Variants in CD70 observed in about 807,000 individuals in gnomAD.
CD70 encodes the protein CD70 antigen.
CD70 carries 6 observed loss-of-function variants against 9.0 expected under a neutral mutation model. That is an observed-to-expected ratio of 0.67 (90% confidence interval 0.37 to 1.32). The LOEUF (loss-of-function observed/expected upper bound fraction) is 1.32, where lower values mean the gene tolerates loss of function less well. Ranked by LOEUF, CD70 falls within the 40% of genes most tolerant of loss-of-function variation. CD70 has a pLI of 0.02. For missense variants in CD70, 235 were observed against 258.7 expected, an observed-to-expected ratio of 0.91 and a Z score of 0.63; for synonymous variants, 108 against 112.3, an observed-to-expected ratio of 0.96 and a Z score of 0.24.
chr19:6,589,812 G>C (rs1191584203), intron 2 of CD70, among the ~76,000 whole-genome samples: 1 of 137,416 alleles, frequency 7.3e-6, no homozygotes, highest in Non-Finnish European at 1.6e-5. Context: ...CTCTCCCTGC[G>C]TCTCTCCCTG....
At position 6,590,009 on chromosome 19, in the gene CD70, TTCTCTC is replaced by T. The variant is rs559884549; in HGVS notation, c.196+88_196+93del. ...TCCCTCCGTCTCTGTCTGTGTCTCT[TTCTCTC>T]TGTCTCTCCCCACTTGTCTTTCTAC... On this transcript the variant is annotated intron_variant, in intron 2 of 2. Transcript: ENST00000245903. This position sits in a 1 kb window ranked among gnomAD's most constrained non-coding sequence, Gnocchi z 5.3. 1.4e-5 allele frequency: 14 copies of T among 1,026,248 alleles called. No individual in the cohort carries two copies. In the Admixed American group the frequency reaches 2.6e-4, roughly 19 times the overall value. The allele number at this position is 1,026,248 out of a possible 1,614,324, so 63.6% of individuals were successfully genotyped here. A position where few individuals can be genotyped will look rare whatever the true frequency, so the allele number is the denominator to read the frequency against.
chr19:6,586,252 G>C lies in CD70; in HGVS notation c.350C>G (p.Ser117Cys). Reference protein sequence around the residue: ...HIQVTLAICSSTTASRHHPTT... With the variant: ...HIQVTLAICSCTTASRHHPTT... ...GGGGTGGTGCCTGGAGGCCGTCGTGGAGGAGCAGATGGCCAGCGTCACCTG... is the reference window on the plus strand; with the variant it reads ...GGGGTGGTGCCTGGAGGCCGTCGTGCAGGAGCAGATGGCCAGCGTCACCTG... The change falls in exon 3 of 3, where the codon TCC becomes TGC. Residue 117 changes from serine (S) to cysteine (C), a missense_variant. Ser to Cys is a moderately radical substitution (Grantham distance 112, BLOSUM62 -1). Transcript: ENST00000245903. The C allele has an allele frequency of 6.2e-7, 1 of 1,614,018 alleles. No homozygotes were observed. Among genetic ancestry groups the C allele is most frequent in the Non-Finnish European group, 8.5e-7 (1 of 1,180,010 alleles).
downstream of CD70, among the ~76,000 whole-genome samples, chr19:6,585,413 C>T (rs575851657): frequency 2.0e-5 from 3 of 150,068 alleles, no homozygotes; most frequent in East Asian, 3.9e-4. Flanking sequence ...GGCATGATCA[C>T]GGCTCACTGC....
At position 6,590,990 on chromosome 19, in the gene CD70, C is replaced by G. The variant is rs763163424; in HGVS notation, c.13G>C (p.Gly5Arg). 5 of 1,596,504 alleles carry G rather than the reference C, an allele frequency of 3.1e-6. No individual in the cohort carries two copies. Among genetic ancestry groups the G allele is most frequent in the Non-Finnish European group, 4.3e-6 (5 of 1,169,654 alleles). The change falls in exon 1 of 3, where the codon GGT becomes CGT. Residue 5 changes from glycine (G) to arginine (R), a missense_variant. Coordinates refer to ENST00000245903, the MANE Select transcript of CD70 (RefSeq NM_001252.5). This position sits in a 1 kb window ranked among gnomAD's most constrained non-coding sequence, Gnocchi z 5.3. ...CTGCGCCGCACCGAGCAGCCCGAAC[C>G]CTCCTCCGGCATCGCCGCGGCGATC... MPEE[G>R]SGCSVRRRPY...
At chr19:6,583,431 G>C (rs781481040), downstream of CD70, 1 of 682,314 alleles carries the variant, frequency 1.5e-6, no homozygotes, top group Non-Finnish European at 2.7e-6. Flanking sequence ...ATTAAATGCC[G>C]TAAGAAGCAC....
In CD70 at chr19:6,590,195, C is replaced by T. The variant is rs911096348; in HGVS notation, c.163-59G>A. 7 of 1,398,796 alleles carry T rather than the reference C, an allele frequency of 5.0e-6. No homozygotes were observed. In the African/African-American group the frequency reaches 7.1e-5, roughly 14 times the overall value. The allele number at this position is 1,398,796 out of a possible 1,614,324, so 86.6% of individuals were successfully genotyped here. A position where few individuals can be genotyped will look rare whatever the true frequency, so the allele number is the denominator to read the frequency against. ...GTAAGCAGAGAGGTTCTATGTGTCCCCTGTGCCAGGAGCTCTCTTTTCTCT... is the reference window on the plus strand; with the variant it reads ...GTAAGCAGAGAGGTTCTATGTGTCCTCTGTGCCAGGAGCTCTCTTTTCTCT... On this transcript the variant is annotated intron_variant, in intron 1 of 2. Transcript: ENST00000245903. This position sits in a 1 kb window ranked among gnomAD's most constrained non-coding sequence, Gnocchi z 5.3.
chr19:6,584,279 G>T (rs7252187), downstream of CD70, among the ~76,000 whole-genome samples: 57,117 of 150,482 alleles, frequency 0.38, 11,077 homozygotes, highest in East Asian at 0.69. Context: ...GGAGGCCGAG[G>T]CGGGTGGATC....
chr19:6,584,573 A>G (rs1183373478), downstream of CD70, among the ~76,000 whole-genome samples: 2 of 6,286 alleles, frequency 3.2e-4, no homozygotes, highest in Admixed American at 1.6e-3. Flanking sequence ...TCCAAAATGT[A>G]TTTGAGGTCC....
At position 6,590,426 on chromosome 19, in the gene CD70, C is replaced by T. The variant is rs1916132091; in HGVS notation, c.163-290G>A. ...GCGCGAGAGCACCGCGCGCAGCGGA[C>T]TCTCTACGCTGCAAAGGCGCCCGGC... On this transcript the variant is annotated intron_variant, in intron 1 of 2. Coordinates refer to ENST00000245903, the MANE Select transcript of CD70 (RefSeq NM_001252.5). The surrounding 1 kb of genome is among the most constrained non-coding windows in gnomAD (Gnocchi z 5.3). Among the ~76,000 whole-genome samples the T allele has an allele frequency of 6.6e-6, 1 of 152,224 alleles. No homozygotes were observed. The highest frequency in any genetic ancestry group is 6.5e-5 in the Admixed American group (1 of 15,290).
At chr19:6,589,797 T>A (rs1916112219) in intron 2 of CD70, among the ~76,000 whole-genome samples, 1 of 150,234 alleles carries the variant, frequency 6.7e-6, no homozygotes, top group Non-Finnish European at 1.5e-5. Flanking sequence ...TCCCTCCCTC[T>A]TCCACTCTCC....
At chr19:6,584,210 CATAAAAGAT>C, downstream of CD70, among the ~76,000 whole-genome samples, 1 of 149,192 alleles carries the variant, frequency 6.7e-6, no homozygotes, top group South Asian at 2.2e-4. Flanking sequence ...TGAGGTGATG[CATAAAAGAT>C]GGTATAAGCG....
chr19:6,586,123 G>T lies in CD70; in HGVS notation c.479C>A (p.Pro160His). 6 of 1,614,124 alleles carry T rather than the reference G, an allele frequency of 3.7e-6. No homozygotes were observed. Among genetic ancestry groups the T allele is most frequent in the Middle Eastern group, 1.6e-4 (1 of 6,062 alleles). The change falls in exon 3 of 3, where the codon CCC (proline) becomes CAC (histidine). Residue 160 changes from proline to histidine, a missense_variant. By Grantham distance (77) the Pro-to-His change is moderately conservative. Coordinates refer to ENST00000245903, the MANE Select transcript of CD70 (RefSeq NM_001252.5). ...GCAGAGTGTGTCCCCTCGGGCCAGG[G>T]GCGTCAGGCGCTGGGAGGCAATGGT... ...GCTIASQRLT[P>H]LARGDTLCTN...
chr19:6,585,679 ATT>A (rs58556239), downstream of CD70, among the ~76,000 whole-genome samples: 1 of 147,052 alleles, frequency 6.8e-6, no homozygotes, highest in Non-Finnish European at 1.5e-5. Context: ...AACCAAGAAC[ATT>A]TTTTTTTTCC....
chr19:6,583,367 A>C (rs1159150867), downstream of CD70: 1 of 701,828 alleles, frequency 1.4e-6, no homozygotes, highest in South Asian at 1.5e-5. Flanking sequence ...CCAGCTTTGT[A>C]GGGCTTGCAT....
At chr19:6,582,836 G>C (rs1236235150), downstream of CD70, among the ~76,000 whole-genome samples, 1 of 152,194 alleles carries the variant, frequency 6.6e-6, no homozygotes, top group African/African-American at 2.4e-5. Context: ...AAAGCTGCCA[G>C]ATAATCTCCT....
intron 2 of CD70, among the ~76,000 whole-genome samples, chr19:6,589,134 C>T (rs953421318): frequency 6.6e-6 from 1 of 151,944 alleles, no homozygotes; most frequent in African/African-American, 2.4e-5. Context: ...TCTCCCTTTT[C>T]CTTTTTCTCT....
At chr19:6,582,993 A>G (rs1915948036), downstream of CD70, among the ~76,000 whole-genome samples, 1 of 151,976 alleles carries the variant, frequency 6.6e-6, no homozygotes, top group Non-Finnish European at 1.5e-5. Context: ...TGGCTTTTCC[A>G]GATGCATGGT....
downstream of CD70, among the ~76,000 whole-genome samples, chr19:6,585,462 C>T (rs926586231): frequency 1.3e-5 from 2 of 151,174 alleles, no homozygotes; most frequent in Non-Finnish European, 2.9e-5. Flanking sequence ...TCTCCCACTT[C>T]AGCCTTTGGA....
At chr19:6,589,869 C>CCTCT (rs1430323826) in intron 2 of CD70, among the ~76,000 whole-genome samples, 2 of 150,390 alleles carry the variant, frequency 1.3e-5, no homozygotes, top group East Asian at 3.9e-4. Context: ...CCCCTCTGTC[C>CCTCT]CTCTCTCTGT....
Sources: gnomAD v4.1 joint callset for allele counts (sites outside exome capture counted in the v4.1 genomes callset) on GRCh38, gnomAD v4.1.1 for gene constraint, Gnocchi (gnomAD v3.1) non-coding constraint, MANE v1.5 for transcripts, NCBI Gene and HGNC (gene_info 2026-07-23, HGNC 2026-07-21) for gene names.